SIPA1L3: variants seen among roughly 807,000 people sequenced by gnomAD.
SIPA1L3 encodes signal-induced proliferation-associated 1-like protein 3.
SIPA1L3 carries 59 observed loss-of-function variants against 150.1 expected under a neutral mutation model. The observed-to-expected ratio is 0.39, with a 90% confidence interval of 0.32 to 0.49. The LOEUF is 0.49. Ranked by LOEUF, SIPA1L3 falls within the 20% of genes least tolerant of loss-of-function variation. The pLI, the probability that SIPA1L3 is intolerant of heterozygous loss-of-function variation, is 0.86. For synonymous variants in SIPA1L3, 1,070 were observed against 1,077.6 expected (o/e 0.99, Z 0.14); for missense variants, 2,211 against 2,489.5 (o/e 0.89, Z 2.38).
At chr19:37,910,905 CT>C (rs2046372160) in intron 1 of SIPA1L3, among the ~76,000 whole-genome samples, 1 of 152,106 alleles carries the variant, frequency 6.6e-6, no homozygotes, top group South Asian at 2.1e-4. Flanking sequence ...CTATTGCTTC[CT>C]TTTTTTAAGG....
rs113520744 is a variant in SIPA1L3, at chr19:38,003,224, A to G, written c.-378-25865A>G. Reference sequence around the variant, plus strand: ...AAGACCCTACTCTGGGCCAGGCACCAATGAGCAAGGCAGGCACAGCTCCTC... The same window carrying G: ...AAGACCCTACTCTGGGCCAGGCACCGATGAGCAAGGCAGGCACAGCTCCTC... On this transcript the variant is annotated intron_variant, in intron 1 of 21. Transcript: ENST00000222345. 2.4e-3 allele frequency among the ~76,000 whole-genome samples: 369 copies of G among 152,320 alleles called. 3 individuals carry two copies. The highest frequency in any genetic ancestry group is 8.7e-3 in the African/African-American group (362 of 41,574).
intron 10 of SIPA1L3, among the ~76,000 whole-genome samples, chr19:38,134,151 T>C (rs1971377258): frequency 6.6e-6 from 1 of 151,600 alleles, no homozygotes; most frequent in Non-Finnish European, 1.5e-5. Context: ...ACCCAGCTAA[T>C]TTTTGTATTT....
At chr19:38,091,842 G>A (rs985904124) in intron 4 of SIPA1L3, among the ~76,000 whole-genome samples, 4 of 151,946 alleles carry the variant, frequency 2.6e-5, no homozygotes, top group African/African-American at 7.3e-5. Context: ...TGGATCACCC[G>A]AGGTCAGGAG....
intron 2 of SIPA1L3, among the ~76,000 whole-genome samples, chr19:38,045,574 GA>G (rs530908043): frequency 6.6e-6 from 1 of 151,798 alleles, no homozygotes; most frequent in Non-Finnish European, 1.5e-5. Context: ...CTTGTCTCAG[GA>G]AAAAAAGAAA....
At position 38,011,028 on chromosome 19, in the gene SIPA1L3, T is replaced by G. The variant is rs146874527; in HGVS notation, c.-378-18061T>G. Among the ~76,000 whole-genome samples, 484 of 152,326 alleles carry G rather than the reference T, an allele frequency of 3.2e-3. 2 individuals carry two copies. The highest frequency in any genetic ancestry group is 0.011 in the African/African-American group (452 of 41,576). ...CTGAGAAGACATGGATGTGCGCAGA[T>G]ATATCTTATTTTTTCTTAGAGCTGC... On this transcript the variant is annotated intron_variant, in intron 1 of 21. Transcript: ENST00000222345.
In SIPA1L3 at chr19:38,152,864, G is replaced by A; in HGVS notation, c.3558G>A (p.Leu1186=). The A allele has an allele frequency of 1.9e-6, 3 of 1,612,834 alleles. No homozygotes were observed. Among genetic ancestry groups the A allele is most frequent in the Non-Finnish European group, 1.7e-6 (2 of 1,179,384 alleles). The change falls in exon 13 of 22, where the codon CTG becomes CTA. Residue 1186 remains leucine, a synonymous_variant. Transcript: ENST00000222345. ...PERYTAAPHP[L]LSLDPHFSHD... ...GGTACACGGCTGCCCCACACCCCCT[G>A]CTATCTCTTGATCCCCACTTCAGCC...
At chr19:38,008,211 A>T (rs963608611) in intron 1 of SIPA1L3, among the ~76,000 whole-genome samples, 1 of 126,252 alleles carries the variant, frequency 7.9e-6, no homozygotes, top group African/African-American at 2.9e-5. Flanking sequence ...AAATCACCAT[A>T]GGCTGCTTTT....
chr19:38,115,566 C>T (rs1410830084), intron 8 of SIPA1L3, among the ~76,000 whole-genome samples: 3 of 152,158 alleles, frequency 2.0e-5, no homozygotes, highest in Admixed American at 2.0e-4. Context: ...TGTGGCCTTG[C>T]CCCTGGTGAC....
chr19:38,073,729 C>T (rs1030868893), intron 2 of SIPA1L3, among the ~76,000 whole-genome samples: 14 of 152,278 alleles, frequency 9.2e-5, no homozygotes, highest in African/African-American at 3.1e-4. Flanking sequence ...CCAGGGGTCC[C>T]CAGCAAAAGT....
At chr19:38,018,731 C>T (rs1374617221) in intron 1 of SIPA1L3, among the ~76,000 whole-genome samples, 1 of 152,164 alleles carries the variant, frequency 6.6e-6, no homozygotes, top group Non-Finnish European at 1.5e-5. Context: ...TAGTTCTGGG[C>T]TTAAATTCAT....
At chr19:37,932,001 G>A (rs1187180808) in intron 1 of SIPA1L3, among the ~76,000 whole-genome samples, 1 of 152,246 alleles carries the variant, frequency 6.6e-6, no homozygotes, top group African/African-American at 2.4e-5. Flanking sequence ...GAGCATTCCG[G>A]TTGTGGTTGT....
intron 15 of SIPA1L3, among the ~76,000 whole-genome samples, chr19:38,178,058 C>T (rs1972474790): frequency 6.7e-6 from 1 of 150,230 alleles, no homozygotes; most frequent in Non-Finnish European, 1.5e-5. Context: ...GTCCTCATAC[C>T]TGCCTGTGTG....
At chr19:37,971,546 G>A (rs749957999) in intron 1 of SIPA1L3, among the ~76,000 whole-genome samples, 4 of 136,808 alleles carry the variant, frequency 2.9e-5, no homozygotes, top group Admixed American at 7.9e-5. Context: ...CTTTCACTGA[G>A]TGTCATGTTT....
chr19:38,048,901 G>C (rs911184737), intron 2 of SIPA1L3, among the ~76,000 whole-genome samples: 4 of 152,080 alleles, frequency 2.6e-5, no homozygotes, highest in Non-Finnish European at 4.4e-5. Context: ...TGGCTAACAC[G>C]GTGAAACCCC....
At chr19:38,174,892 T>TTTA in intron 15 of SIPA1L3, among the ~76,000 whole-genome samples, 1 of 152,174 alleles carries the variant, frequency 6.6e-6, no homozygotes, top group East Asian at 1.9e-4. Context: ...GACCATGAGT[T>TTTA]TAAAGCACTT....
intron 16 of SIPA1L3, chr19:38,182,988 C>G: frequency 2.2e-6 from 1 of 460,140 alleles, no homozygotes; most frequent in Non-Finnish European, 3.8e-6. Context: ...GGTGGTTATC[C>G]TTGTGCCATA....
At chr19:38,079,948 G>A (rs573590151) in intron 2 of SIPA1L3, among the ~76,000 whole-genome samples, 1 of 152,336 alleles carries the variant, frequency 6.6e-6, no homozygotes, top group African/African-American at 2.4e-5. Context: ...AAGGTTTGGT[G>A]CATCAGAACA....
intron 15 of SIPA1L3, among the ~76,000 whole-genome samples, chr19:38,174,379 G>A (rs1001564625): frequency 7.2e-5 from 11 of 152,120 alleles, no homozygotes; most frequent in African/African-American, 2.7e-4. Flanking sequence ...ATTGGTCCAG[G>A]GTGAAGGCCA....
chr19:38,071,491 G>A (rs1425819832), intron 2 of SIPA1L3, among the ~76,000 whole-genome samples: 1 of 152,152 alleles, frequency 6.6e-6, no homozygotes, highest in Admixed American at 6.6e-5. Context: ...GTTTTACCTT[G>A]TTGGCCAGGC....
Sources: gnomAD v4.1 joint callset for allele counts (sites outside exome capture counted in the v4.1 genomes callset) on GRCh38, gnomAD v4.1.1 for gene constraint, MANE v1.5 for transcripts, NCBI Gene and HGNC (gene_info 2026-07-23, HGNC 2026-07-21) for gene names.